CLMN: variants seen among roughly 807,000 people sequenced by gnomAD.
CLMN encodes calmin.
A neutral mutation model predicts 92.7 loss-of-function variants in CLMN; 57 were observed. The ratio of observed to expected loss-of-function variants is 0.61; its 90% CI spans 0.50 to 0.77. CLMN has a LOEUF of 0.77. Among genes scored for constraint, CLMN ranks in the 30% least tolerant of loss-of-function variants. The pLI is 0.00. For missense variants in CLMN, 1,158 were observed against 1,237.5 expected (o/e 0.94, Z 0.96); for synonymous variants, 466 against 470.6 (o/e 0.99, Z 0.13).
intron 1 of CLMN, among the ~76,000 whole-genome samples, chr14:95,248,196 T>C (rs1476566779): frequency 1.3e-5 from 2 of 152,116 alleles, no homozygotes; most frequent in Admixed American, 6.5e-5. Flanking sequence ...TGTATGGGCT[T>C]TGATTCAGAC....
In CLMN at chr14:95,256,197, G is replaced by A. The variant is rs774826184; in HGVS notation, c.83-26064C>T. On this transcript the variant is annotated intron_variant, in intron 1 of 12. Coordinates refer to ENST00000298912, the MANE Select transcript of CLMN (RefSeq NM_024734.4). The surrounding 1 kb of genome is among the most constrained non-coding windows in gnomAD (Gnocchi z 4.9). The stretch of plus-strand genomic sequence containing the variant: ...AATGCCCCCACACTGTCCTCGCCAC[G>A]GGCACACCCAACCGAGGCCCGCCAC... Among the ~76,000 whole-genome samples, 16 of 152,104 alleles carry A rather than the reference G, an allele frequency of 1.1e-4. No homozygotes were observed. Among genetic ancestry groups the A allele is most frequent in the Admixed American group, 5.2e-4 (8 of 15,274 alleles).
At chr14:95,264,004 A>G (rs2140706884) in intron 1 of CLMN, among the ~76,000 whole-genome samples, 1 of 145,360 alleles carries the variant, frequency 6.9e-6, no homozygotes, top group Admixed American at 7.0e-5. Context: ...TTTGCACCTT[A>G]TTACTTTATT....
intron 1 of CLMN, among the ~76,000 whole-genome samples, chr14:95,238,943 C>CTA (rs1206612531): frequency 7.2e-5 from 11 of 151,808 alleles, no homozygotes; most frequent in Admixed American, 5.2e-4. Flanking sequence ...TAAGTTTAAG[C>CTA]TATATATATA....
intron 1 of CLMN, among the ~76,000 whole-genome samples, chr14:95,285,766 T>C (rs558096467): frequency 6.6e-6 from 1 of 152,262 alleles, no homozygotes; most frequent in South Asian, 2.1e-4. Context: ...GAGCTGGGTA[T>C]GTAACAGGCG....
At chr14:95,211,659 A>AC (rs1897200870) in intron 6 of CLMN, among the ~76,000 whole-genome samples, 1 of 149,576 alleles carries the variant, frequency 6.7e-6, no homozygotes, top group Non-Finnish European at 1.5e-5. Flanking sequence ...TAAAAAAAAA[A>AC]AAAAAAACCA....
intron 1 of CLMN, among the ~76,000 whole-genome samples, chr14:95,273,253 T>G (rs1043575662): frequency 6.6e-6 from 1 of 151,940 alleles, no homozygotes; most frequent in Non-Finnish European, 1.5e-5. Flanking sequence ...GTGTGGAGAG[T>G]TGGGCTGTCT....
At chr14:95,318,103 C>A in intron 1 of CLMN, among the ~76,000 whole-genome samples, 1 of 152,116 alleles carries the variant, frequency 6.6e-6, no homozygotes, top group East Asian at 1.9e-4. Context: ...TTCTCTAAAC[C>A]AGGAGCTAAT....
intron 9 of CLMN, 77 bp downstream of exon 9, chr14:95,202,761 A>G: frequency 1.4e-6 from 2 of 1,421,244 alleles, no homozygotes; most frequent in Non-Finnish European, 1.9e-6. Flanking sequence ...TTATGGAGCA[A>G]GAAGCTGAGC....
rs1474307245 is a variant in CLMN, at chr14:95,203,277, G to C, written c.2072C>G (p.Pro691Arg). The C allele has an allele frequency of 2.5e-6, 4 of 1,613,972 alleles. No individual in the cohort carries two copies. The highest frequency in any genetic ancestry group is 2.5e-6 in the Non-Finnish European group (3 of 1,180,006). Residue 691 changes from proline to arginine, a missense_variant, in exon 9 of 13, where the codon CCA becomes CGA. By Grantham distance (103) the Pro-to-Arg change is moderately radical (BLOSUM62 -2). Transcript: ENST00000298912. ...GGTCTCCAAGCTGACACAGCTGCTT[G>C]GGGGGCTGGAAGATAATTCCTCGCC... is the stretch of plus-strand genomic sequence containing the variant. ...GVGEELSSSP[P>R]SSCVSLETLG... is the part of the protein sequence containing the mutation.
At chr14:95,313,629 C>G (rs1456291976) in intron 1 of CLMN, among the ~76,000 whole-genome samples, 3 of 147,692 alleles carry the variant, frequency 2.0e-5, no homozygotes, top group Non-Finnish European at 4.5e-5. Flanking sequence ...CGCAATCTAC[C>G]ACTGTTTAAA....
chr14:95,205,996 A>G (rs74076646), intron 8 of CLMN, among the ~76,000 whole-genome samples: 2,066 of 152,324 alleles, frequency 0.014, 57 homozygotes, highest in African/African-American at 0.047. Context: ...TGATTAAATG[A>G]CAGAGTTTGT....
At chr14:95,302,133 A>G (rs1242081027) in intron 1 of CLMN, among the ~76,000 whole-genome samples, 1 of 152,176 alleles carries the variant, frequency 6.6e-6, no homozygotes, top group African/African-American at 2.4e-5. Context: ...CCCCATTTCT[A>G]CTAAAAATAC....
At chr14:95,210,629 G>A (rs1897169422) in intron 7 of CLMN, 57 bp downstream of exon 7, 2 of 1,541,420 alleles carry the variant, frequency 1.3e-6, no homozygotes, top group East Asian at 2.3e-5. Flanking sequence ...ACATGGGACA[G>A]CAAGTGGTAC....
chr14:95,204,506 G>C, intron 8 of CLMN, 43 bp from the exon 9 acceptor site: 1 of 1,483,174 alleles, frequency 6.7e-7, no homozygotes. Context: ...AAAAACAAAA[G>C]AACAACAACA....
chr14:95,276,987 A>G (rs1350795185), intron 1 of CLMN, among the ~76,000 whole-genome samples: 3 of 151,500 alleles, frequency 2.0e-5, no homozygotes, highest in African/African-American at 4.9e-5. Context: ...CCCCATAGCT[A>G]TGGCACAGCA....
intron 1 of CLMN, among the ~76,000 whole-genome samples, chr14:95,301,420 C>T (rs913904859): frequency 5.9e-5 from 9 of 152,206 alleles, no homozygotes; most frequent in African/African-American, 1.9e-4. Context: ...AACCTCCTGC[C>T]GTGTGTGGAA....
chr14:95,255,780 AC>A (rs1898975075), intron 1 of CLMN, among the ~76,000 whole-genome samples: 1 of 151,322 alleles, frequency 6.6e-6, no homozygotes, highest in Admixed American at 6.6e-5. Flanking sequence ...GCATTTCTTA[AC>A]CACTCAACAG....
At chr14:95,219,708 G>C (rs1197671781) in intron 4 of CLMN, among the ~76,000 whole-genome samples, 1 of 152,208 alleles carries the variant, frequency 6.6e-6, no homozygotes, top group African/African-American at 2.4e-5. Flanking sequence ...GCTGGCCCAC[G>C]TTTGGCCAGA....
intron 1 of CLMN, among the ~76,000 whole-genome samples, chr14:95,284,956 C>G (rs147638906): frequency 0.014 from 2,202 of 152,122 alleles, 28 homozygotes; most frequent in Middle Eastern, 0.051. Context: ...TTGGCTGTGT[C>G]CCCACCCAAA....
Sources: allele counts gnomAD v4.1 joint callset (sites outside exome capture counted in the v4.1 genomes callset), GRCh38; gene constraint gnomAD v4.1.1; non-coding constraint Gnocchi (gnomAD v3.1); transcripts MANE v1.5; gene names NCBI Gene and HGNC (gene_info 2026-07-23, HGNC 2026-07-21).